FHIT: variants seen among roughly 807,000 people sequenced by gnomAD.
The protein encoded by FHIT is fragile histidine triad diadenosine triphosphatase.
FHIT carries 19 observed loss-of-function variants against 17.9 expected under a neutral mutation model. The observed-to-expected ratio is 1.06, with a 90% CI of 0.74 to 1.56. The LOEUF is 1.56. Among genes scored for constraint, FHIT ranks in the 40% most tolerant of loss-of-function variants. The probability of loss-of-function intolerance (pLI) is 0.00; values close to 1 mark genes in which losing one functional copy is unlikely to be tolerated. For synonymous variants in FHIT, 81 were observed against 69.7 expected, an observed-to-expected ratio of 1.16 and a Z score of -0.81; for missense variants, 248 against 189.2, an observed-to-expected ratio of 1.31 and a Z score of -1.82.
At chr3:60,909,101 C>T (rs545443330) in intron 3 of FHIT, among the ~76,000 whole-genome samples, 7 of 151,936 alleles carry the variant, frequency 4.6e-5, no homozygotes, top group Non-Finnish European at 7.4e-5. Context: ...CAGGGAGCGG[C>T]GGCTCACACC....
chr3:59,897,807 C>T (rs928510424), intron 8 of FHIT, among the ~76,000 whole-genome samples: 3 of 150,814 alleles, frequency 2.0e-5, no homozygotes, highest in Non-Finnish European at 4.4e-5. Flanking sequence ...CACCCTGTTG[C>T]CCAGGCTGGA....
intron 8 of FHIT, among the ~76,000 whole-genome samples, chr3:59,788,881 G>GTTTTTTTTTTTTCTT (rs60361063): frequency 1.2e-5 from 1 of 86,804 alleles, no homozygotes; most frequent in Non-Finnish European, 2.0e-5. Flanking sequence ...GAGTTCATAT[G>GTTTTTTTTTTTTCTT]TTTTTTTTTT....
chr3:59,780,948 T>C (rs1345728327), intron 8 of FHIT, among the ~76,000 whole-genome samples: 1 of 152,220 alleles, frequency 6.6e-6, no homozygotes, highest in Non-Finnish European at 1.5e-5. Flanking sequence ...ATCTATTTTG[T>C]TTTCTATGCT....
intron 5 of FHIT, among the ~76,000 whole-genome samples, chr3:60,384,007 T>A (rs1202859676): frequency 6.6e-6 from 1 of 152,136 alleles, no homozygotes; most frequent in Non-Finnish European, 1.5e-5. Context: ...AGGTGGCCCA[T>A]GCCTGTAATC....
At chr3:61,250,344 G>A (rs2040591498) in intron 1 of FHIT, among the ~76,000 whole-genome samples, 1 of 152,256 alleles carries the variant, frequency 6.6e-6, no homozygotes, top group Non-Finnish European at 1.5e-5. Context: ...TCTGGGCCCG[G>A]CCCAGGTCAG....
chr3:60,801,433 A>G (rs1165891680), intron 4 of FHIT, among the ~76,000 whole-genome samples: 7 of 152,186 alleles, frequency 4.6e-5, no homozygotes, highest in African/African-American at 1.4e-4. Flanking sequence ...TGTCCAATCC[A>G]CTAACTACTT....
intron 5 of FHIT, among the ~76,000 whole-genome samples, chr3:60,085,101 T>C (rs1006541034): frequency 6.6e-6 from 1 of 152,150 alleles, no homozygotes; most frequent in Admixed American, 6.5e-5. Context: ...AGGCAAGTGA[T>C]CCTAGCTGGG....
chr3:60,595,473 A>C (rs956389199), intron 4 of FHIT, among the ~76,000 whole-genome samples: 13 of 151,128 alleles, frequency 8.6e-5, no homozygotes, highest in African/African-American at 2.9e-4. Context: ...CTAAATATAT[A>C]CATATACATA....
intron 4 of FHIT, among the ~76,000 whole-genome samples, chr3:60,731,267 T>C (rs1246545429): frequency 3.3e-5 from 5 of 152,202 alleles, no homozygotes; most frequent in Non-Finnish European, 5.9e-5. Flanking sequence ...ACCTCAGTTC[T>C]TACCTCTTCA....
At chr3:60,361,319 G>C (rs987689848) in intron 5 of FHIT, among the ~76,000 whole-genome samples, 3 of 152,186 alleles carry the variant, frequency 2.0e-5, no homozygotes, top group Non-Finnish European at 2.9e-5. Context: ...TATTGGAACA[G>C]CATCTCAAGA....
At chr3:60,198,806 G>C (rs140526903) in intron 5 of FHIT, among the ~76,000 whole-genome samples, 1 of 152,108 alleles carries the variant, frequency 6.6e-6, no homozygotes, top group African/African-American at 2.4e-5. Flanking sequence ...TAATTCCAGA[G>C]AATCACTGAA....
chr3:59,958,906 C>G (rs1017042267), intron 7 of FHIT, among the ~76,000 whole-genome samples: 1 of 152,178 alleles, frequency 6.6e-6, no homozygotes, highest in Non-Finnish European at 1.5e-5. Context: ...GGATTCAAAG[C>G]AGCAACCTCT....
chr3:60,167,399 T>C (rs1400470188), intron 5 of FHIT, among the ~76,000 whole-genome samples: 1 of 152,232 alleles, frequency 6.6e-6, no homozygotes, highest in East Asian at 1.9e-4. Flanking sequence ...TATATCCATA[T>C]ATACACATGC....
At chr3:60,152,493 G>A (rs1026979446) in intron 5 of FHIT, among the ~76,000 whole-genome samples, 1 of 152,190 alleles carries the variant, frequency 6.6e-6, no homozygotes, top group African/African-American at 2.4e-5. Flanking sequence ...GAATACCTAA[G>A]ACATGTGTGT....
At chr3:61,011,855 C>A (rs2031808988) in intron 3 of FHIT, among the ~76,000 whole-genome samples, 2 of 152,148 alleles carry the variant, frequency 1.3e-5, no homozygotes, top group Admixed American at 1.3e-4. Context: ...CAAACCTCCT[C>A]ACCATATCAG....
chr3:61,217,619 C>T (rs1315492839), intron 1 of FHIT, among the ~76,000 whole-genome samples: 2 of 152,306 alleles, frequency 1.3e-5, no homozygotes, highest in African/African-American at 2.4e-5. Context: ...AAGAGAACAA[C>T]AGCCTTGCCG....
intron 7 of FHIT, among the ~76,000 whole-genome samples, chr3:59,962,769 A>C (rs1707745988): frequency 6.6e-6 from 1 of 152,254 alleles, no homozygotes; most frequent in Non-Finnish European, 1.5e-5. Context: ...GCAATTGTTC[A>C]CACATGCATT....
intron 2 of FHIT, among the ~76,000 whole-genome samples, chr3:61,106,720 G>A (rs1206656125): frequency 6.6e-6 from 1 of 152,094 alleles, no homozygotes; most frequent in East Asian, 1.9e-4. Context: ...GGAGTGAAGT[G>A]GCGCATGTCA....
intron 2 of FHIT, among the ~76,000 whole-genome samples, chr3:61,139,806 CT>C (rs1211666173): frequency 1.3e-5 from 2 of 152,062 alleles, no homozygotes; most frequent in Non-Finnish European, 2.9e-5. Context: ...AATGCTGGTA[CT>C]TTAAGTGAAT....
Sources: gnomAD v4.1 joint callset for allele counts (sites outside exome capture counted in the v4.1 genomes callset) on GRCh38, gnomAD v4.1.1 for gene constraint, MANE v1.5 for transcripts, NCBI Gene and HGNC (gene_info 2026-07-23, HGNC 2026-07-21) for gene names.